The following PSAT1 variants were observed in gnomAD, a reference collection of about 807,000 sequenced individuals.
PSAT1 encodes the protein phosphoserine aminotransferase.
In PSAT1, 41 loss-of-function variants were observed where a neutral mutation model predicts 40.3. The observed-to-expected ratio is 1.02, with a 90% CI of 0.79 to 1.32. The LOEUF is 1.32. Among genes scored for constraint, PSAT1 ranks in the 40% most tolerant of loss-of-function variants. PSAT1 has a pLI of 0.00. For missense variants in PSAT1, 406 were observed against 455.8 expected, an observed-to-expected ratio of 0.89 and a Z score of 0.99; for synonymous variants, 147 against 170.5, an observed-to-expected ratio of 0.86 and a Z score of 1.07.
chr9:78,301,865 GT>G (rs1587633163), intron 2 of PSAT1, 88 bp from the exon 3 acceptor site: 3 of 1,010,930 alleles, frequency 3.0e-6, no homozygotes, highest in Non-Finnish European at 1.6e-6. Context: ...TCCCTGTATT[GT>G]TGTTTACTTG....
chr9:78,298,437 C>A, intron 1 of PSAT1: 1 of 985,154 alleles, frequency 1.0e-6, no homozygotes, highest in Non-Finnish European at 1.2e-6. Context: ...GAAAGGACTT[C>A]TTACTTTTCT....
intron 7 of PSAT1, among the ~76,000 whole-genome samples, chr9:78,321,014 C>T (rs1264085701): frequency 1.3e-5 from 2 of 152,070 alleles, no homozygotes; most frequent in African/African-American, 4.8e-5. Context: ...CCTGAATCCC[C>T]CCCCGCCACG....
chr9:78,328,461 A>C (rs1828532493), intron 8 of PSAT1, among the ~76,000 whole-genome samples: 1 of 152,202 alleles, frequency 6.6e-6, no homozygotes, highest in African/African-American at 2.4e-5. Context: ...TATAGCACAG[A>C]GGTTGCCATT....
chr9:78,317,890 T>G lies in PSAT1; in HGVS notation c.869+86T>G, dbSNP rs1587643927. 5 of 1,457,834 alleles carry G rather than the reference T, an allele frequency of 3.4e-6. No individual in the cohort carries two copies. The East Asian group carries it at 9.1e-5, about 27-fold the overall frequency. 90.3% of individuals were successfully genotyped at this position (1,457,834 alleles called of 1,614,324 possible). On this transcript the variant is annotated intron_variant, in intron 7 of 8. Transcript: ENST00000376588. The stretch of plus-strand genomic sequence containing the variant: ...TGTGTACCTTTGAAAAGTGGACATA[T>G]TCACCTTTCTCTGAGACATTAAAAT...
At chr9:78,322,788 A>AT (rs1828448080) in intron 7 of PSAT1, among the ~76,000 whole-genome samples, 1 of 152,198 alleles carries the variant, frequency 6.6e-6, no homozygotes, top group Non-Finnish European at 1.5e-5. Context: ...GAAAGATGCC[A>AT]CCTTCATTAG....
chr9:78,297,908 C>G (rs1220281275), intron 1 of PSAT1, among the ~76,000 whole-genome samples: 3 of 152,168 alleles, frequency 2.0e-5, no homozygotes, highest in Non-Finnish European at 2.9e-5. Context: ...TTCAGTCCAG[C>G]TTTCCCCTCC....
chr9:78,320,347 T>C (rs1320683377), intron 7 of PSAT1, among the ~76,000 whole-genome samples: 1 of 148,444 alleles, frequency 6.7e-6, no homozygotes. Context: ...TATCCATCCA[T>C]CCATCCATCC....
At chr9:78,317,337 C>T (rs996484105) in intron 6 of PSAT1, among the ~76,000 whole-genome samples, 12 of 152,128 alleles carry the variant, frequency 7.9e-5, no homozygotes, top group Admixed American at 1.3e-4. Flanking sequence ...ACTGCAGCCT[C>T]GAACCCCTGG....
At chr9:78,300,794 C>T (rs1003784144) in intron 2 of PSAT1, 132 bp downstream of exon 2, 1 of 1,362,330 alleles carries the variant, frequency 7.3e-7, no homozygotes, top group Non-Finnish European at 9.5e-7. Flanking sequence ...TAGTTCACTG[C>T]AGCCTCCAAC....
chr9:78,329,091 A>T lies in PSAT1; in HGVS notation c.*5A>T. On this transcript the variant is annotated 3_prime_UTR_variant, in exon 9 of 9. Transcript: ENST00000376588. ...TTGGAGATGCATCAGCTATGAACAC[A>T]TCCTAACCAGGATATACTCTGTTCT... 2 of 1,591,974 alleles carry T rather than the reference A, an allele frequency of 1.3e-6. No individual in the cohort carries two copies. Among genetic ancestry groups the T allele is most frequent in the Non-Finnish European group, 1.7e-6 (2 of 1,161,506 alleles).
At chr9:78,319,042 C>A (rs1828390510) in intron 7 of PSAT1, among the ~76,000 whole-genome samples, 2 of 152,210 alleles carry the variant, frequency 1.3e-5, no homozygotes, top group Admixed American at 6.5e-5. Flanking sequence ...ACTCACCAAA[C>A]TGAGAACCCC....
At chr9:78,300,285 TCTTTA>T (rs1343424020) in intron 1 of PSAT1, among the ~76,000 whole-genome samples, 13 of 152,336 alleles carry the variant, frequency 8.5e-5, no homozygotes, top group East Asian at 3.9e-4. Flanking sequence ...CTTTATGCAT[TCTTTA>T]CTTTAGCTTT....
intron 1 of PSAT1, chr9:78,298,375 G>T: frequency 2.0e-6 from 2 of 985,342 alleles, no homozygotes; most frequent in Non-Finnish European, 2.4e-6. Context: ...ATCTCCCTGG[G>T]ACAGAGCCTC....
At chr9:78,312,137 G>A (rs1442071481) in intron 6 of PSAT1, among the ~76,000 whole-genome samples, 3 of 150,628 alleles carry the variant, frequency 2.0e-5, no homozygotes, top group Admixed American at 1.3e-4. Flanking sequence ...CCTTCAAATC[G>A]TTGCTCCGTA....
At chr9:78,326,955 A>ATTTTTTTT (rs1554688170) in intron 7 of PSAT1, among the ~76,000 whole-genome samples, 10 of 75,934 alleles carry the variant, frequency 1.3e-4, no homozygotes, top group African/African-American at 8.5e-4. Context: ...ATATATATAT[A>ATTTTTTTT]TTTTTTTTTT....
At chr9:78,324,130 C>A (rs552440148) in intron 7 of PSAT1, among the ~76,000 whole-genome samples, 2 of 152,286 alleles carry the variant, frequency 1.3e-5, no homozygotes, top group South Asian at 4.1e-4. Flanking sequence ...CTGGAACTCT[C>A]ATCCCCACAA....
rs995354789 is a variant in PSAT1 at position 78,317,553 on chromosome 9, C to A, written c.741-123C>A. The A allele has an allele frequency of 1.8e-5, 22 of 1,196,468 alleles. No homozygotes were observed. The African/African-American group carries it at 2.9e-4, about 16-fold the overall frequency. 74.1% of individuals were successfully genotyped at this position (1,196,468 alleles called of 1,614,324 possible). On this transcript the variant is annotated intron_variant, in intron 6 of 8. Coordinates refer to ENST00000376588, the MANE Select transcript of PSAT1 (RefSeq NM_058179.4). ...GGCGTGAGCCACTGCATTTGACTAT[C>A]TTGTCTATTTCAAATAATGTGTTTA...
intron 6 of PSAT1, among the ~76,000 whole-genome samples, chr9:78,313,161 T>C (rs1440760901): frequency 6.6e-6 from 1 of 151,890 alleles, no homozygotes; most frequent in Non-Finnish European, 1.5e-5. Flanking sequence ...AGGTCAGGAG[T>C]TCGAGACCAG....
intron 6 of PSAT1, among the ~76,000 whole-genome samples, chr9:78,315,085 C>T (rs1377305250): frequency 2.6e-5 from 4 of 152,096 alleles, no homozygotes; most frequent in Non-Finnish European, 5.9e-5. Context: ...TGGGCAGCCT[C>T]GTGTCTGGAA....
Sources: allele counts gnomAD v4.1 joint callset (sites outside exome capture counted in the v4.1 genomes callset), GRCh38; gene constraint gnomAD v4.1.1; transcripts MANE v1.5; gene names NCBI Gene and HGNC (gene_info 2026-07-23, HGNC 2026-07-21).